LONP2: variants seen among roughly 807,000 people sequenced by gnomAD.
The protein encoded by LONP2 is lon protease homolog 2, peroxisomal.
LONP2 carries 60 observed loss-of-function variants against 85.6 expected under a neutral mutation model. The observed-to-expected ratio is 0.70, with a 90% CI of 0.57 to 0.87. The LOEUF is 0.87. Among genes scored for constraint, LONP2 ranks in the 40% least tolerant of loss-of-function variants. LONP2 has a pLI of 0.00. For missense variants in LONP2, 860 were observed against 1,063.5 expected (o/e 0.81, Z 2.66); for synonymous variants, 395 against 389.7 (o/e 1.01, Z -0.16).
At chr16:48,336,297 C>T (rs778986155) in intron 12 of LONP2, 6 of 453,910 alleles carry the variant, frequency 1.3e-5, no homozygotes, top group Non-Finnish European at 2.7e-5. Context: ...CATGGGAGAA[C>T]CTTATTTTCC....
chr16:48,347,394 T>A, intron 12 of LONP2, 113 bp from the exon 13 acceptor site: 1 of 943,674 alleles, frequency 1.1e-6, no homozygotes, highest in Non-Finnish European at 1.7e-6. Context: ...ACAAGGACTT[T>A]GAGGTAAGTG....
At chr16:48,268,347 TA>T in intron 6 of LONP2, among the ~76,000 whole-genome samples, 1 of 152,196 alleles carries the variant, frequency 6.6e-6, no homozygotes, top group East Asian at 1.9e-4. Flanking sequence ...TCTTGACTTT[TA>T]TTCTTACCTT....
chr16:48,358,851 T>C (rs964571575), downstream of LONP2, among the ~76,000 whole-genome samples: 1 of 152,116 alleles, frequency 6.6e-6, no homozygotes, highest in Non-Finnish European at 1.5e-5. Flanking sequence ...AAAATAAAAA[T>C]GTCACCTGAG....
intron 11 of LONP2, among the ~76,000 whole-genome samples, chr16:48,316,966 A>G (rs1228683767): frequency 1.3e-5 from 2 of 152,068 alleles, no homozygotes; most frequent in African/African-American, 4.8e-5. Flanking sequence ...TACAGTACCA[A>G]CCTGTCACTC....
intron 11 of LONP2, among the ~76,000 whole-genome samples, chr16:48,332,420 A>G (rs1195936918): frequency 6.6e-6 from 1 of 151,888 alleles, no homozygotes; most frequent in Non-Finnish European, 1.5e-5. Flanking sequence ...TACTAAAAAT[A>G]CAAACATTAG....
intron 5 of LONP2, among the ~76,000 whole-genome samples, chr16:48,261,912 A>C (rs2150969914): frequency 6.6e-6 from 1 of 152,346 alleles, no homozygotes; most frequent in South Asian, 2.1e-4. Flanking sequence ...CCTTGATAAC[A>C]GAATAGGATA....
intron 11 of LONP2, among the ~76,000 whole-genome samples, chr16:48,307,567 C>T (rs976930770): frequency 3.3e-5 from 5 of 152,162 alleles, no homozygotes; most frequent in African/African-American, 4.8e-5. Context: ...TAAAGTTTCT[C>T]ATAATACACT....
chr16:48,338,412 G>A (rs778061990), intron 12 of LONP2, among the ~76,000 whole-genome samples: 5 of 152,204 alleles, frequency 3.3e-5, no homozygotes, highest in African/African-American at 1.2e-4. Flanking sequence ...TCTGAGGTCT[G>A]TTTTAGAGGT....
intron 1 of LONP2, among the ~76,000 whole-genome samples, chr16:48,247,003 G>C (rs1971423207): frequency 1.3e-4 from 1 of 7,842 alleles, no homozygotes; most frequent in South Asian, 3.4e-3. Context: ...CTTTAACTGA[G>C]TAGCAATGTT....
chr16:48,352,901 A>G lies in LONP2; in HGVS notation c.*1099A>G, dbSNP rs1270897432. On this transcript the variant is annotated 3_prime_UTR_variant, in exon 15 of 15. Coordinates refer to ENST00000285737, the MANE Select transcript of LONP2 (RefSeq NM_031490.5). ...TCCGTCTCCTATTTCTTGCTTGGCTACGCCAGTTCCCAAATCTGGTAGATG... is the reference window on the plus strand; with the variant it reads ...TCCGTCTCCTATTTCTTGCTTGGCTGCGCCAGTTCCCAAATCTGGTAGATG... 6.6e-6 allele frequency: 1 copy of G among 152,232 alleles called. No individual in the cohort carries two copies. The highest frequency in any genetic ancestry group is 1.5e-5 in the Non-Finnish European group (1 of 68,070). 9.4% of individuals were successfully genotyped at this position (152,232 alleles called of 1,614,324 possible). A position where few individuals can be genotyped will look rare whatever the true frequency, so the allele number is the denominator to read the frequency against.
At chr16:48,245,362 T>A (rs1971308554) in intron 1 of LONP2, among the ~76,000 whole-genome samples, 3 of 152,238 alleles carry the variant, frequency 2.0e-5, no homozygotes. Flanking sequence ...GGGTGAGAGC[T>A]TTAACCTCTA....
In LONP2 at chr16:48,362,410, T is replaced by C. The variant is rs1276250455; in HGVS notation, c.*547T>C. ...TTCGAGGTACCGGTAGGTAATGCTG[T>C]AGCAGTCTGACGGCTCATTTCTGAA... On this transcript the variant is annotated 3_prime_UTR_variant, in exon 5 of 5. Coordinates refer to the LONP2 transcript ENST00000565867. This position sits in a 1 kb window ranked among gnomAD's most constrained non-coding sequence, Gnocchi z 4.2. 6.2e-7 allele frequency: 1 copy of C among 1,614,128 alleles called. No individual in the cohort carries two copies. Among genetic ancestry groups the C allele is most frequent in the East Asian group, 2.2e-5 (1 of 44,884 alleles).
At chr16:48,317,376 T>G (rs1189774862) in intron 11 of LONP2, among the ~76,000 whole-genome samples, 1 of 152,244 alleles carries the variant, frequency 6.6e-6, no homozygotes, top group Non-Finnish European at 1.5e-5. Flanking sequence ...ACTAAATGTT[T>G]TATGATTCTA....
intron 11 of LONP2, among the ~76,000 whole-genome samples, chr16:48,304,685 C>T (rs981788564): frequency 1.1e-4 from 16 of 152,066 alleles, no homozygotes; most frequent in African/African-American, 2.2e-4. Flanking sequence ...ATCTGGGCAA[C>T]GGAGCGAGAC....
chr16:48,279,846 G>C (rs1972289795), intron 8 of LONP2, among the ~76,000 whole-genome samples: 2 of 152,198 alleles, frequency 1.3e-5, no homozygotes, highest in African/African-American at 4.8e-5. Flanking sequence ...TCTGTGCTTT[G>C]AGCTGCCTCG....
chr16:48,328,770 A>G (rs1403332732), intron 11 of LONP2, among the ~76,000 whole-genome samples: 3 of 146,220 alleles, frequency 2.1e-5, no homozygotes, highest in South Asian at 2.3e-4. Context: ...GCATGAACAC[A>G]GACGGCAGAG....
chr16:48,257,137 C>A (rs1971776743), intron 3 of LONP2, among the ~76,000 whole-genome samples: 1 of 152,082 alleles, frequency 6.6e-6, no homozygotes, highest in African/African-American at 2.4e-5. Context: ...CATGGTAAAA[C>A]CCCATCTCTA....
intron 11 of LONP2, among the ~76,000 whole-genome samples, chr16:48,313,478 C>G (rs1973077756): frequency 6.6e-6 from 1 of 152,146 alleles, no homozygotes. Context: ...TCTCCCTCCC[C>G]TCACTCCCAC....
chr16:48,263,841 A>G (rs774203636), intron 6 of LONP2, among the ~76,000 whole-genome samples: 1 of 152,084 alleles, frequency 6.6e-6, no homozygotes, highest in African/African-American at 2.4e-5. Context: ...GTTCTTTTCT[A>G]TTTTCCTAAG....
Sources: gnomAD v4.1 joint callset for allele counts (sites outside exome capture counted in the v4.1 genomes callset) on GRCh38, gnomAD v4.1.1 for gene constraint, Gnocchi (gnomAD v3.1) non-coding constraint, MANE v1.5 for transcripts, NCBI Gene and HGNC (gene_info 2026-07-23, HGNC 2026-07-21) for gene names.